The following SLC43A1 variants were observed in gnomAD, a reference collection of about 807,000 sequenced individuals.
SLC43A1 encodes solute carrier family 43 member 1.
A neutral mutation model predicts 59.5 loss-of-function variants in SLC43A1; 31 were observed. The ratio of observed to expected loss-of-function variants is 0.52; its 90% confidence interval spans 0.39 to 0.70. The LOEUF is 0.70. Ranked by LOEUF, SLC43A1 falls within the 30% of genes least tolerant of loss-of-function variation. The pLI, the probability that SLC43A1 is intolerant of heterozygous loss-of-function variation, is 0.00. For missense variants in SLC43A1, 598 were observed against 717.8 expected, an observed-to-expected ratio of 0.83 and a Z score of 1.91; for synonymous variants, 259 against 290.9, an observed-to-expected ratio of 0.89 and a Z score of 1.12.
Position 57,501,335 on chromosome 11 carries a change from G to C in SLC43A1, c.155-6C>G, listed in dbSNP as rs150660444. 1.9e-6 allele frequency: 3 copies of C among 1,606,964 alleles called. No homozygotes were observed. In the East Asian group the frequency reaches 6.7e-5, roughly 36 times the overall value. On this transcript the variant is annotated splice_polypyrimidine_tract_variant and splice_region_variant and intron_variant, in intron 2 of 14. Coordinates refer to ENST00000278426, the MANE Select transcript of SLC43A1 (RefSeq NM_003627.6). The stretch of plus-strand genomic sequence containing the variant: ...GGTGTTGGTGCTGCTCTCAGCTGAG[G>C]AGGGGGAAGGGAGGGCTCAGCACAT...
rs764365617 is a variant in SLC43A1 at position 57,489,248 on chromosome 11, T to C, written c.1335+3A>G. The stretch of plus-strand genomic sequence containing the variant: ...GGGAGAGGGGAAGGATGAAGGTGGG[T>C]ACCTGGAGGTGTAAGTTGTTGATGA... On this transcript the variant is annotated splice_donor_region_variant and intron_variant, in intron 12 of 14. Transcript: ENST00000278426. 6 of 1,614,128 alleles carry C rather than the reference T, an allele frequency of 3.7e-6. No homozygotes were observed. Among genetic ancestry groups the C allele is most frequent in the Non-Finnish European group, 4.2e-6 (5 of 1,179,994 alleles).
At chr11:57,501,086 C>T (rs756203629) in intron 3 of SLC43A1, 43 bp from the exon 4 acceptor site, 2 of 1,600,492 alleles carry the variant, frequency 1.2e-6, no homozygotes, top group South Asian at 1.1e-5. Context: ...CCTGTGAGCA[C>T]CCCCCCTCCC....
At chr11:57,497,467 A>AGCTT (rs1213010856) in intron 6 of SLC43A1, among the ~76,000 whole-genome samples, 1 of 152,236 alleles carries the variant, frequency 6.6e-6, no homozygotes, top group Non-Finnish European at 1.5e-5. Context: ...CTGTAGGTGA[A>AGCTT]GCTAAACCAC....
chr11:57,495,000 C>CA (rs1306542990), intron 7 of SLC43A1, among the ~76,000 whole-genome samples: 1 of 151,872 alleles, frequency 6.6e-6, no homozygotes, highest in Non-Finnish European at 1.5e-5. Context: ...AGGCATGCAC[C>CA]ACCACACCCA....
At chr11:57,488,219 A>T (rs1403193077) in intron 13 of SLC43A1, among the ~76,000 whole-genome samples, 1 of 152,196 alleles carries the variant, frequency 6.6e-6, no homozygotes, top group Non-Finnish European at 1.5e-5. Flanking sequence ...CTGGAGAGGC[A>T]GCAGTGGAGG....
intron 3 of SLC43A1, 36 bp downstream of exon 3, chr11:57,501,116 C>T (rs1944251160): frequency 6.2e-7 from 1 of 1,612,998 alleles, no homozygotes. Flanking sequence ...CAGCACGGTC[C>T]CTGTCCTCCC....
chr11:57,495,776 A>G (rs2135173619), intron 7 of SLC43A1, among the ~76,000 whole-genome samples: 1 of 152,274 alleles, frequency 6.6e-6, no homozygotes, highest in Non-Finnish European at 1.5e-5. Flanking sequence ...GTGAGCCAGG[A>G]CCAAGACACT....
chr11:57,498,343 A>C (rs1384587357), intron 5 of SLC43A1, among the ~76,000 whole-genome samples: 1 of 152,166 alleles, frequency 6.6e-6, no homozygotes, highest in Admixed American at 6.5e-5. Flanking sequence ...CCAGAGGCTG[A>C]GGCAGGAGAA....
At position 57,491,822 on chromosome 11, in the gene SLC43A1, G is replaced by C. The variant is rs2135157760; in HGVS notation, c.912C>G (p.Phe304Leu). The C allele has an allele frequency of 1.2e-6, 2 of 1,614,200 alleles. No individual in the cohort carries two copies. Among genetic ancestry groups the C allele is most frequent in the Admixed American group, 1.7e-5 (1 of 60,030 alleles). ...PLRKSLCSPTFLWSLLTMGMT... is the reference protein window; with the variant it reads ...PLRKSLCSPTLLWSLLTMGMT... ...TGCCCATGGTGAGGAGGCTCCACAG[G>C]AAAGTGGGGGAGCAGAGGCTCTTGC... Residue 304 changes from phenylalanine to leucine, a missense_variant, in exon 9 of 15, where the codon TTC (phenylalanine) becomes TTG (leucine). By Grantham distance (22) the Phe-to-Leu change is conservative. Transcript: ENST00000278426.
At chr11:57,507,596 T>G (rs1188195806) in intron 2 of SLC43A1, among the ~76,000 whole-genome samples, 4 of 152,198 alleles carry the variant, frequency 2.6e-5, no homozygotes, top group African/African-American at 9.7e-5. Context: ...TGAGCTGTGT[T>G]TATACCACTG....
Position 57,484,915 on chromosome 11 carries a change from T to G in SLC43A1, c.*181A>C. The G allele has an allele frequency of 4.4e-6, 3 of 679,820 alleles. No individual in the cohort carries two copies. The highest frequency in any genetic ancestry group is 6.8e-6 in the Non-Finnish European group (3 of 440,872). 42.1% of individuals were successfully genotyped at this position (679,820 alleles called of 1,614,324 possible). On this transcript the variant is annotated 3_prime_UTR_variant, in exon 15 of 15. Coordinates refer to ENST00000278426, the MANE Select transcript of SLC43A1 (RefSeq NM_003627.6). Reference sequence around the variant, plus strand: ...CAATGGAGCGTTGACTTAGGGGGCGTTTTTGAAGGTTTTTTTTCCTCCTTT... The same window carrying G: ...CAATGGAGCGTTGACTTAGGGGGCGGTTTTGAAGGTTTTTTTTCCTCCTTT...
At chr11:57,492,263 T>G (rs1943929950) in intron 8 of SLC43A1, among the ~76,000 whole-genome samples, 1 of 141,688 alleles carries the variant, frequency 7.1e-6, no homozygotes, top group Non-Finnish European at 1.5e-5. Flanking sequence ...TATATTTATA[T>G]ATATAAATAT....
chr11:57,500,901 G>GAA, intron 4 of SLC43A1, 46 bp from the exon 5 acceptor site: 1 of 1,610,366 alleles, frequency 6.2e-7, no homozygotes, highest in Non-Finnish European at 8.5e-7. Context: ...GGAGCTGTGG[G>GAA]AAGCCAAGGG....
At chr11:57,492,496 T>C (rs1415062335) in intron 8 of SLC43A1, among the ~76,000 whole-genome samples, 1 of 126,694 alleles carries the variant, frequency 7.9e-6, no homozygotes, top group Non-Finnish European at 1.6e-5. Flanking sequence ...TAATATAATA[T>C]ATAATATAAT....
chr11:57,495,466 A>C (rs1353544472), intron 7 of SLC43A1, among the ~76,000 whole-genome samples: 1 of 151,762 alleles, frequency 6.6e-6, no homozygotes, highest in Non-Finnish European at 1.5e-5. Flanking sequence ...TCAAAAATAA[A>C]TAAATAAATA....
chr11:57,494,539 T>C (rs150144694), intron 7 of SLC43A1: 251 of 276,990 alleles, frequency 9.1e-4, no homozygotes, highest in African/African-American at 5.2e-3. Context: ...TTGTTATTAA[T>C]GGGGTTAATA....
chr11:57,492,101 G>A (rs1364087314), intron 8 of SLC43A1, among the ~76,000 whole-genome samples: 1 of 151,886 alleles, frequency 6.6e-6, no homozygotes, highest in Non-Finnish European at 1.5e-5. Flanking sequence ...AGGTGCCATG[G>A]CTCACGCCTG....
chr11:57,495,037 G>A (rs556647820), intron 7 of SLC43A1, among the ~76,000 whole-genome samples: 2 of 151,394 alleles, frequency 1.3e-5, no homozygotes, highest in Non-Finnish European at 2.9e-5. Flanking sequence ...TAGTAGAGAC[G>A]GTGTTTCTCC....
chr11:57,490,326 A>G (rs1442233849), intron 11 of SLC43A1, among the ~76,000 whole-genome samples: 1 of 150,368 alleles, frequency 6.7e-6, no homozygotes, highest in Non-Finnish European at 1.5e-5. Context: ...AAAAAAAAAA[A>G]CCCTCAATGG....
Sources: allele counts gnomAD v4.1 joint callset (sites outside exome capture counted in the v4.1 genomes callset), GRCh38; gene constraint gnomAD v4.1.1; transcripts MANE v1.5; gene names NCBI Gene and HGNC (gene_info 2026-07-23, HGNC 2026-07-21).